Variants in PBX3 observed in about 807,000 individuals in gnomAD.
The protein encoded by PBX3 is pre-B-cell leukemia transcription factor 3.
In PBX3, 14 loss-of-function variants were observed where a neutral mutation model predicts 48.5. The observed-to-expected ratio is 0.29, with a 90% CI of 0.19 to 0.45. The LOEUF is 0.45. Among genes scored for constraint, PBX3 ranks in the 20% least tolerant of loss-of-function variants. PBX3 has a pLI of 1.00. For synonymous variants in PBX3, 210 were observed against 200.3 expected (o/e 1.05, Z -0.41); for missense variants, 386 against 546.7 (o/e 0.71, Z 2.93).
chr9:125,910,128 G>A (rs1171474371), intron 2 of PBX3, among the ~76,000 whole-genome samples: 1 of 152,130 alleles, frequency 6.6e-6, no homozygotes, highest in Non-Finnish European at 1.5e-5. Context: ...CAAAATCTTA[G>A]ATTTATGAAT....
intron 5 of PBX3, chr9:125,949,344 C>A: frequency 1.3e-6 from 2 of 1,550,154 alleles, no homozygotes; most frequent in Non-Finnish European, 1.7e-6. Flanking sequence ...CAGTTGTCAT[C>A]CATTCAACCT....
intron 5 of PBX3, among the ~76,000 whole-genome samples, chr9:125,942,544 AAAG>A (rs1841978145): frequency 2.0e-5 from 3 of 152,246 alleles, no homozygotes; most frequent in South Asian, 4.1e-4. Flanking sequence ...GAGCAGGAAA[AAAG>A]AAGATGACTA....
intron 2 of PBX3, among the ~76,000 whole-genome samples, chr9:125,816,390 C>T (rs1266755283): frequency 6.6e-6 from 1 of 152,226 alleles, no homozygotes; most frequent in Non-Finnish European, 1.5e-5. Flanking sequence ...TCAGTCTGCT[C>T]TCTTGAGCCA....
intron 2 of PBX3, among the ~76,000 whole-genome samples, chr9:125,781,617 G>A (rs1260198816): frequency 1.3e-5 from 2 of 151,720 alleles, no homozygotes; most frequent in African/African-American, 4.8e-5. Context: ...AGAGGCAGAG[G>A]CAGAACCTGA....
chr9:125,873,142 G>A (rs964455625), intron 2 of PBX3, among the ~76,000 whole-genome samples: 4 of 151,972 alleles, frequency 2.6e-5, no homozygotes, highest in Non-Finnish European at 5.9e-5. Context: ...CCAAGATTGC[G>A]CCACTGCACT....
At chr9:125,816,028 C>T (rs1011214251) in intron 2 of PBX3, among the ~76,000 whole-genome samples, 1 of 151,982 alleles carries the variant, frequency 6.6e-6, no homozygotes, top group African/African-American at 2.4e-5. Flanking sequence ...TTTTTGAGAC[C>T]GTGTCTTACT....
chr9:125,836,082 T>C (rs768033598), intron 2 of PBX3, among the ~76,000 whole-genome samples: 3 of 152,194 alleles, frequency 2.0e-5, no homozygotes, highest in East Asian at 1.9e-4. Context: ...GAGGACATTA[T>C]GTTAAGTGAA....
chr9:125,842,266 T>A (rs10986972), intron 2 of PBX3, among the ~76,000 whole-genome samples: 3,035 of 152,268 alleles, frequency 0.02, 160 homozygotes, highest in East Asian at 0.17. Flanking sequence ...TTGACAACTT[T>A]ACTCAATTCT....
chr9:125,898,263 C>T (rs969095724), intron 2 of PBX3, among the ~76,000 whole-genome samples: 5 of 151,640 alleles, frequency 3.3e-5, no homozygotes, highest in Admixed American at 2.6e-4. Flanking sequence ...ACCTCTCTTC[C>T]CTAGCACAGC....
chr9:125,781,006 G>A (rs1837288824), intron 2 of PBX3, among the ~76,000 whole-genome samples: 1 of 112,326 alleles, frequency 8.9e-6, no homozygotes. Flanking sequence ...TGGGATGGCG[G>A]CCGGGCAGAG....
intron 2 of PBX3, among the ~76,000 whole-genome samples, chr9:125,899,105 T>C (rs1201966199): frequency 2.7e-5 from 4 of 150,640 alleles, no homozygotes; most frequent in Non-Finnish European, 5.9e-5. Context: ...AGCTAAATTG[T>C]TTTCCAAAAA....
rs541695641 is a variant in PBX3, at chr9:125,804,446, T to C, written c.274+55823T>C. On this transcript the variant is annotated intron_variant, in intron 2 of 8. Coordinates refer to ENST00000373489, the MANE Select transcript of PBX3 (RefSeq NM_006195.6). ...GCATTCTTGTCTGTTTATCGTAGTG[T>C]GCTGTACAAAACCATTTTCTAGGGA... Among the ~76,000 whole-genome samples the C allele has an allele frequency of 2.6e-5, 4 of 152,282 alleles. No individual in the cohort carries two copies. In the East Asian group the frequency reaches 5.8e-4, roughly 22 times the overall value.
chr9:125,843,323 C>T (rs1221521096), intron 2 of PBX3, among the ~76,000 whole-genome samples: 2 of 152,066 alleles, frequency 1.3e-5, no homozygotes, highest in African/African-American at 4.8e-5. Flanking sequence ...GTATAATTTA[C>T]ATAAAATTTA....
intron 2 of PBX3, among the ~76,000 whole-genome samples, chr9:125,889,347 G>C (rs1032304767): frequency 6.6e-6 from 1 of 152,240 alleles, no homozygotes; most frequent in Non-Finnish European, 1.5e-5. Flanking sequence ...CGGCTCGCTT[G>C]GCAGTGCACA....
chr9:125,783,285 T>G (rs1022510694), intron 2 of PBX3, among the ~76,000 whole-genome samples: 10 of 152,102 alleles, frequency 6.6e-5, no homozygotes, highest in Non-Finnish European at 1.2e-4. Context: ...TTCATTTTCC[T>G]TCTATTCTTT....
chr9:125,790,019 A>G (rs755497851), intron 2 of PBX3, among the ~76,000 whole-genome samples: 1 of 152,196 alleles, frequency 6.6e-6, no homozygotes, highest in Non-Finnish European at 1.5e-5. Context: ...TTGTAGATGT[A>G]ACTAAACTGA....
intron 5 of PBX3, among the ~76,000 whole-genome samples, chr9:125,936,979 TAG>T (rs1168487404): frequency 6.6e-6 from 1 of 152,120 alleles, no homozygotes; most frequent in Admixed American, 6.5e-5. Flanking sequence ...CCCTGAACAT[TAG>T]TGAAAGGATT....
chr9:125,921,340 T>A (rs184551602), intron 3 of PBX3, among the ~76,000 whole-genome samples: 49 of 152,288 alleles, frequency 3.2e-4, no homozygotes, highest in Admixed American at 2.0e-3. Flanking sequence ...TTTTTTCAAC[T>A]TCTTTGGAAG....
intron 2 of PBX3, among the ~76,000 whole-genome samples, chr9:125,816,628 G>A (rs1481877052): frequency 2.0e-5 from 3 of 152,166 alleles, no homozygotes; most frequent in African/African-American, 7.2e-5. Flanking sequence ...TGCAGAACTG[G>A]GATAGAGATT....
Sources: gnomAD v4.1 joint callset for allele counts (sites outside exome capture counted in the v4.1 genomes callset) on GRCh38, gnomAD v4.1.1 for gene constraint, MANE v1.5 for transcripts, NCBI Gene and HGNC (gene_info 2026-07-23, HGNC 2026-07-21) for gene names.